Variants in PCNX2 observed in about 807,000 individuals in gnomAD.
The protein encoded by PCNX2 is pecanex-like protein 2.
PCNX2 carries 168 observed loss-of-function variants against 223.8 expected under a neutral mutation model. The observed-to-expected ratio is 0.75, with a 90% CI of 0.66 to 0.85. PCNX2 has a LOEUF of 0.85. Ranked by LOEUF, PCNX2 falls within the 40% of genes least tolerant of loss-of-function variation. PCNX2 has a pLI of 0.00. For synonymous variants in PCNX2, 1,006 were observed against 1,052.6 expected (o/e 0.96, Z 0.86); for missense variants, 2,507 against 2,675.5 (o/e 0.94, Z 1.39).
rs1669948595 is a variant in PCNX2 at position 232,998,309 on chromosome 1, C to T, written c.5733G>A (p.Gln1911=). ...CGTGCTGAGCACCGCCTTTTCTGGG[C>T]TGTTCTGCGCTGCTCTCCTGGCTGC... ...SGGSQESSAE[Q]PRKGGAQHGV... is the part of the protein sequence containing the mutation. The change falls in exon 32 of 34, where the codon CAG becomes CAA. Residue 1911 remains glutamine (Q), a synonymous_variant. Transcript: ENST00000258229. 1.9e-6 allele frequency: 3 copies of T among 1,610,510 alleles called. No individual in the cohort carries two copies. The Admixed American group carries it at 5.0e-5, about 27-fold the overall frequency.
At position 233,218,063 on chromosome 1, in the gene PCNX2, C is replaced by T. The variant is rs553389216; in HGVS notation, c.2626G>A (p.Val876Ile). 46 of 1,600,584 alleles carry T rather than the reference C, an allele frequency of 2.9e-5. No individual in the cohort carries two copies. The highest frequency in any genetic ancestry group is 1.6e-4 in the Admixed American group (9 of 57,930). Residue 876 changes from valine to isoleucine, a missense_variant, in exon 11 of 34, where the codon GTC becomes ATC. Transcript: ENST00000258229. ...KDMWVLLFCLVMASCQYSLLK... is the reference protein window; with the variant it reads ...KDMWVLLFCLIMASCQYSLLK... ...AGGGAGTACTGGCAGCTGGCCATGA[C>T]GAGGCAGAAGAGGAGCACCCACATA...
At chr1:233,037,415 CAAACTCCTGGGTT>C in intron 25 of PCNX2, among the ~76,000 whole-genome samples, 1 of 152,286 alleles carries the variant, frequency 6.6e-6, no homozygotes, top group Middle Eastern at 3.4e-3. Flanking sequence ...CACTGTCACT[CAAACTCCTGGGTT>C]AAAGTCATTC....
At chr1:233,088,532 T>C (rs1221006218) in intron 23 of PCNX2, among the ~76,000 whole-genome samples, 2 of 152,204 alleles carry the variant, frequency 1.3e-5, no homozygotes, top group African/African-American at 2.4e-5. Context: ...TCTGTAAATA[T>C]GCATGTCTCT....
chr1:233,108,611 C>T lies in PCNX2; in HGVS notation c.3838-12748G>A, dbSNP rs970197049. On this transcript the variant is annotated intron_variant, in intron 21 of 33. Coordinates refer to ENST00000258229, the MANE Select transcript of PCNX2 (RefSeq NM_014801.4). ...AAAGGCAGACATGCACAGGAGCACA[C>T]GGCTCAGCCGGGCCCTTCTGCCAAC... 2.6e-5 allele frequency among the ~76,000 whole-genome samples: 4 copies of T among 152,230 alleles called. No homozygotes were observed. In the East Asian group the frequency reaches 5.8e-4, roughly 22 times the overall value.
At chr1:233,280,229 C>T (rs1431330481) in intron 1 of PCNX2, among the ~76,000 whole-genome samples, 3 of 151,846 alleles carry the variant, frequency 2.0e-5, no homozygotes, top group African/African-American at 7.3e-5. Context: ...GCTTCAGTGA[C>T]TCACTTTGAA....
Position 233,253,639 on chromosome 1 carries a change from C to G in PCNX2, c.1835-851G>C, listed in dbSNP as rs34495711. 0.03 allele frequency among the ~76,000 whole-genome samples: 4,610 copies of G among 152,336 alleles called. 118 individuals carry two copies. Among genetic ancestry groups the G allele is most frequent in the Non-Finnish European group, 0.041 (2,769 of 68,030 alleles). ...GGGATTACAGGCATGAGCCACCACA[C>G]CCGGCCTGCTGATTTTGAACAATAT... On this transcript the variant is annotated intron_variant, in intron 5 of 33. Coordinates refer to ENST00000258229, the MANE Select transcript of PCNX2 (RefSeq NM_014801.4). This position sits in a 1 kb window ranked among gnomAD's most constrained non-coding sequence, Gnocchi z 4.2.
intron 1 of PCNX2, among the ~76,000 whole-genome samples, chr1:233,275,183 T>C (rs940688521): frequency 6.6e-6 from 1 of 152,186 alleles, no homozygotes; most frequent in Non-Finnish European, 1.5e-5. Flanking sequence ...ACCACTAGGA[T>C]TAATGGCAAG....
chr1:233,251,474 G>A (rs1659447703), intron 7 of PCNX2, among the ~76,000 whole-genome samples: 1 of 152,212 alleles, frequency 6.6e-6, no homozygotes, highest in Non-Finnish European at 1.5e-5. Flanking sequence ...GCCTTCTTCA[G>A]TTGACACAGG....
At chr1:233,229,912 C>A (rs780778310) in intron 9 of PCNX2, among the ~76,000 whole-genome samples, 2 of 151,872 alleles carry the variant, frequency 1.3e-5, no homozygotes, top group Admixed American at 1.3e-4. Flanking sequence ...TCAAAGAAGC[C>A]CAGAGTTACA....
intron 24 of PCNX2, among the ~76,000 whole-genome samples, chr1:233,055,885 T>C (rs957807196): frequency 7.9e-5 from 12 of 152,186 alleles, no homozygotes; most frequent in South Asian, 4.1e-4. Flanking sequence ...CAGGGAGTGG[T>C]ACAAGAAGGT....
chr1:233,260,360 T>C (rs1427920847), intron 4 of PCNX2, among the ~76,000 whole-genome samples: 1 of 152,168 alleles, frequency 6.6e-6, no homozygotes, highest in Non-Finnish European at 1.5e-5. Flanking sequence ...ATATTCAAAG[T>C]ATGTAAGATT....
At chr1:233,067,972 G>A (rs1198911303) in intron 23 of PCNX2, among the ~76,000 whole-genome samples, 1 of 152,026 alleles carries the variant, frequency 6.6e-6, no homozygotes. Context: ...GGTCCCAGAA[G>A]GAGAGAAGTT....
chr1:233,164,871 C>G (rs567799559), intron 17 of PCNX2, among the ~76,000 whole-genome samples: 1 of 151,580 alleles, frequency 6.6e-6, no homozygotes, highest in East Asian at 1.9e-4. Flanking sequence ...TTTGTAGAGG[C>G]TGGGGAGGGG....
At chr1:233,202,475 GGCAA>G (rs1681176453) in intron 13 of PCNX2, among the ~76,000 whole-genome samples, 1 of 152,098 alleles carries the variant, frequency 6.6e-6, no homozygotes, top group South Asian at 2.1e-4. Context: ...AGGTTTGAGG[GGCAA>G]GCAGTCAGAA....
At chr1:233,216,164 T>C (rs1239589463) in intron 12 of PCNX2, among the ~76,000 whole-genome samples, 3 of 152,190 alleles carry the variant, frequency 2.0e-5, no homozygotes, top group African/African-American at 7.2e-5. Context: ...CTGGGGAGTC[T>C]ACCTGGCGGT....
chr1:233,184,912 C>T (rs532584382), intron 15 of PCNX2, among the ~76,000 whole-genome samples: 1 of 152,048 alleles, frequency 6.6e-6, no homozygotes, highest in East Asian at 1.9e-4. Flanking sequence ...CTTGCCCAAC[C>T]TCACACTTCC....
the PCNX2 span, among the ~76,000 whole-genome samples, chr1:233,314,570 A>G: frequency 6.6e-6 from 1 of 152,186 alleles, no homozygotes; most frequent in East Asian, 1.9e-4. Flanking sequence ...TGCTTTCAAA[A>G]GTAGGGTTAG....
intron 13 of PCNX2, chr1:233,201,981 A>C (rs1681141211): frequency 3.7e-6 from 1 of 266,712 alleles, no homozygotes; most frequent in South Asian, 3.9e-5. Flanking sequence ...AACAGCAGTC[A>C]ACAAGGAGGT....
rs558922108 is a variant in PCNX2 at position 233,218,788 on chromosome 1, G to A, written c.2505-604C>T. ...ACTAAACTGGGTTTACTGGCAAAAC[G>A]TAGTTAATGATTCCATCCATGACCA... On this transcript the variant is annotated intron_variant, in intron 10 of 33. Coordinates refer to ENST00000258229, the MANE Select transcript of PCNX2 (RefSeq NM_014801.4). Among the ~76,000 whole-genome samples the A allele has an allele frequency of 1.5e-3, 222 of 152,174 alleles. 1 individual carries two copies. The highest frequency in any genetic ancestry group is 2.4e-3 in the Non-Finnish European group (160 of 68,022).
Sources: allele counts gnomAD v4.1 joint callset (sites outside exome capture counted in the v4.1 genomes callset), GRCh38; gene constraint gnomAD v4.1.1; non-coding constraint Gnocchi (gnomAD v3.1); transcripts MANE v1.5; gene names NCBI Gene and HGNC (gene_info 2026-07-23, HGNC 2026-07-21).